SOX6: variants seen among roughly 807,000 people sequenced by gnomAD.
SOX6 encodes the protein transcription factor SOX-6.
In SOX6, 11 loss-of-function variants were observed where a neutral mutation model predicts 97.8. That is an observed-to-expected ratio of 0.11 (90% CI 0.07 to 0.19). SOX6 has a LOEUF of 0.19. Ranked by LOEUF, SOX6 falls within the 10% of genes least tolerant of loss-of-function variation. The pLI, the probability that SOX6 is intolerant of heterozygous loss-of-function variation, is 1.00. For synonymous variants in SOX6, 360 were observed against 371.4 expected (o/e 0.97, Z 0.35); for missense variants, 810 against 1,039.5 (o/e 0.78, Z 3.04).
chr11:16,551,235 CAGCTACTCAAG>C (rs1847682514), intron 4 of SOX6, among the ~76,000 whole-genome samples: 1 of 152,006 alleles, frequency 6.6e-6, no homozygotes, highest in South Asian at 2.1e-4. Flanking sequence ...CCTGTAGTTC[CAGCTACTCAAG>C]AGCTGAGGTG....
intron 1 of SOX6, among the ~76,000 whole-genome samples, chr11:16,410,416 T>C (rs1230077910): frequency 6.6e-6 from 1 of 152,068 alleles, no homozygotes; most frequent in Non-Finnish European, 1.5e-5. Context: ...GAACACGCAA[T>C]GACATCTATG....
intron 3 of SOX6, 115 bp downstream of exon 3, chr11:16,318,331 G>T (rs1189658196): frequency 1.8e-6 from 2 of 1,111,486 alleles, no homozygotes; most frequent in East Asian, 2.4e-5. Context: ...CTTTTTCCTA[G>T]CTAGTGACAA....
intron 3 of SOX6, among the ~76,000 whole-genome samples, chr11:16,304,798 G>A (rs1025559330): frequency 6.6e-6 from 1 of 151,990 alleles, no homozygotes; most frequent in Non-Finnish European, 1.5e-5. Context: ...CACGTGATTT[G>A]CAAAGCAATT....
intron 1 of SOX6, among the ~76,000 whole-genome samples, chr11:16,421,717 GT>G (rs751862498): frequency 6.6e-6 from 1 of 152,180 alleles, no homozygotes; most frequent in Non-Finnish European, 1.5e-5. Context: ...CAGAGATTGA[GT>G]TTAAAGAAAG....
At chr11:16,131,295 T>C (rs1040469526) in intron 6 of SOX6, among the ~76,000 whole-genome samples, 5 of 150,960 alleles carry the variant, frequency 3.3e-5, no homozygotes, top group Non-Finnish European at 7.4e-5. Flanking sequence ...AATCAAAGAG[T>C]TGAATAGACA....
chr11:16,349,192 A>T (rs1367518048), intron 1 of SOX6, among the ~76,000 whole-genome samples: 1 of 152,218 alleles, frequency 6.6e-6, no homozygotes, highest in African/African-American at 2.4e-5. Flanking sequence ...TTTATTTCAT[A>T]ACTAACTCAA....
chr11:16,638,781 A>G (rs1184321703), intron 3 of SOX6, among the ~76,000 whole-genome samples: 11 of 152,034 alleles, frequency 7.2e-5, no homozygotes, highest in South Asian at 2.1e-4. Context: ...TTTTTTTCTT[A>G]TAAATTTGTT....
At chr11:16,711,290 A>G (rs1848177643) in intron 3 of SOX6, among the ~76,000 whole-genome samples, 1 of 152,166 alleles carries the variant, frequency 6.6e-6, no homozygotes, top group South Asian at 2.1e-4. Flanking sequence ...GCACTTGGAG[A>G]GGCCAAGGCA....
intron 6 of SOX6, among the ~76,000 whole-genome samples, chr11:16,141,384 C>A (rs1478430814): frequency 6.6e-6 from 1 of 152,108 alleles, no homozygotes; most frequent in Non-Finnish European, 1.5e-5. Flanking sequence ...GAACCAACGG[C>A]AGTTCCAAGA....
At chr11:16,063,557 T>G (rs1848020217) in intron 9 of SOX6, among the ~76,000 whole-genome samples, 1 of 97,812 alleles carries the variant, frequency 1.0e-5, no homozygotes, top group Non-Finnish European at 2.1e-5. Context: ...TATATATACC[T>G]GCTTTCTATG....
At chr11:16,702,116 G>C (rs1295742544) in intron 3 of SOX6, among the ~76,000 whole-genome samples, 2 of 152,142 alleles carry the variant, frequency 1.3e-5, no homozygotes, top group Non-Finnish European at 2.9e-5. Flanking sequence ...TGGAAATAGA[G>C]TGAACGAATT....
At chr11:16,393,367 C>T (rs541888931) in intron 1 of SOX6, among the ~76,000 whole-genome samples, 2 of 151,634 alleles carry the variant, frequency 1.3e-5, no homozygotes, top group South Asian at 4.2e-4. Context: ...CAACAGCCTC[C>T]TTGGGTAATC....
intron 4 of SOX6, among the ~76,000 whole-genome samples, chr11:16,519,991 T>C (rs1448441322): frequency 2.0e-5 from 3 of 152,252 alleles, no homozygotes; most frequent in African/African-American, 7.2e-5. Context: ...GCCACTTACA[T>C]GTCTTCTTTT....
At chr11:16,392,123 C>T (rs1590181437) in intron 1 of SOX6, among the ~76,000 whole-genome samples, 1 of 152,148 alleles carries the variant, frequency 6.6e-6, no homozygotes, top group Admixed American at 6.5e-5. Flanking sequence ...AAAGGGGACA[C>T]TGTTACCCTG....
At chr11:16,549,454 C>A (rs1238854039) in intron 4 of SOX6, among the ~76,000 whole-genome samples, 1 of 152,112 alleles carries the variant, frequency 6.6e-6, no homozygotes, top group East Asian at 1.9e-4. Flanking sequence ...TTTTAAATGA[C>A]AATACCAAGT....
At chr11:16,178,955 A>G (rs1008514445) in intron 6 of SOX6, among the ~76,000 whole-genome samples, 1 of 151,928 alleles carries the variant, frequency 6.6e-6, no homozygotes, top group African/African-American at 2.4e-5. Context: ...TTAGAGGTCA[A>G]TTAGATACTT....
chr11:16,687,485 G>C (rs1847978525), intron 3 of SOX6, among the ~76,000 whole-genome samples: 1 of 152,122 alleles, frequency 6.6e-6, no homozygotes, highest in South Asian at 2.1e-4. Context: ...TCACCATGTT[G>C]GCCAGGCTGG....
chr11:16,542,354 A>G (rs1174481153), intron 4 of SOX6, among the ~76,000 whole-genome samples: 3 of 152,194 alleles, frequency 2.0e-5, no homozygotes, highest in Non-Finnish European at 4.4e-5. Flanking sequence ...TAGGAGAAAT[A>G]CCTAATGTAA....
At chr11:15,984,412 C>T (rs1345722129) in intron 15 of SOX6, among the ~76,000 whole-genome samples, 2 of 152,116 alleles carry the variant, frequency 1.3e-5, no homozygotes, top group African/African-American at 4.8e-5. Context: ...GGGAACATGA[C>T]TGAGGGAGGG....
Sources: gnomAD v4.1 joint callset for allele counts (sites outside exome capture counted in the v4.1 genomes callset) on GRCh38, gnomAD v4.1.1 for gene constraint, MANE v1.5 for transcripts, NCBI Gene and HGNC (gene_info 2026-07-23, HGNC 2026-07-21) for gene names.